BTBD8: variants seen among roughly 807,000 people sequenced by gnomAD.
BTBD8 encodes the protein BTB domain containing 8.
A neutral mutation model predicts 162.9 loss-of-function variants in BTBD8; 110 were observed. The ratio of observed to expected loss-of-function variants is 0.68; its 90% CI spans 0.58 to 0.79. BTBD8 has a LOEUF of 0.79. Among genes scored for constraint, BTBD8 ranks in the 30% least tolerant of loss-of-function variants. The pLI, the probability that BTBD8 is intolerant of heterozygous loss-of-function variation, is 0.00. For missense variants in BTBD8, 1,905 were observed against 2,085.4 expected (o/e 0.91, Z 1.68); for synonymous variants, 667 against 716.1 (o/e 0.93, Z 1.10).
At chr1:92,139,453 T>G (rs1649715364) in intron 6 of BTBD8, 23 bp downstream of exon 6, 1 of 1,592,584 alleles carries the variant, frequency 6.3e-7, no homozygotes, top group East Asian at 2.3e-5. Context: ...TTTTAATAAT[T>G]TAAAATATAA....
chr1:92,132,244 A>C (rs768845040), intron 5 of BTBD8, among the ~76,000 whole-genome samples: 1 of 152,038 alleles, frequency 6.6e-6, no homozygotes, highest in Non-Finnish European at 1.5e-5. Context: ...TGCCTCTTCA[A>C]CTTCTATCTG....
intron 15 of BTBD8, among the ~76,000 whole-genome samples, 195 bp downstream of exon 15, chr1:92,178,093 A>C (rs556543155): frequency 1.1e-3 from 161 of 152,298 alleles, no homozygotes; most frequent in African/African-American, 3.8e-3. Context: ...ATTTAAAAGA[A>C]TATATTAATG....
rs905427229 is a variant in BTBD8, at chr1:92,182,414, A to C, written c.4731A>C (p.Val1577=). 1 of 1,550,588 alleles carries C rather than the reference A, an allele frequency of 6.4e-7. No individual in the cohort carries two copies. The highest frequency in any genetic ancestry group is 2.4e-5 in the East Asian group (1 of 40,906). ...QQRSKFLDSD[V]KSQERPCHLD... ...GCAGCAAATTCTTGGATAGTGATGT[A>C]AAATCTCAAGAAAGACCATGTCACT... is the stretch of plus-strand genomic sequence containing the variant. Residue 1577 remains valine (V), a synonymous_variant, in exon 17 of 18, where the codon GTA becomes GTC. Coordinates refer to ENST00000636805, the MANE Select transcript of BTBD8 (RefSeq NM_001376131.1).
At chr1:92,122,485 T>A (rs1481012041) in intron 4 of BTBD8, among the ~76,000 whole-genome samples, 10 of 152,052 alleles carry the variant, frequency 6.6e-5, no homozygotes, top group Admixed American at 1.3e-4. Flanking sequence ...TCTTGATCTC[T>A]TGACCTCGTG....
intron 1 of BTBD8, 124 bp from the exon 2 acceptor site, chr1:92,088,574 G>A (rs977390827): frequency 2.2e-5 from 16 of 719,280 alleles, no homozygotes; most frequent in Non-Finnish European, 3.1e-5. Flanking sequence ...ACTCATTTTT[G>A]TATTAACTTT....
chr1:92,131,286 G>A (rs1415085133), intron 5 of BTBD8, among the ~76,000 whole-genome samples: 4 of 152,158 alleles, frequency 2.6e-5, no homozygotes, highest in Non-Finnish European at 4.4e-5. Context: ...GCTTAGAAAC[G>A]TCCAAAACAC....
rs760174079 is a variant in BTBD8 at position 92,080,546 on chromosome 1, T to G, written c.-26T>G. ...GGCAAGTGAGGCCAAGTACTGGGCC[T>G]CCAGGGCGTCGTACCTCTGTGAGAC... is the stretch of plus-strand genomic sequence containing the variant. On this transcript the variant is annotated 5_prime_UTR_variant, in exon 1 of 18. Coordinates refer to ENST00000636805, the MANE Select transcript of BTBD8 (RefSeq NM_001376131.1). 26 of 1,611,892 alleles carry G rather than the reference T, an allele frequency of 1.6e-5. No homozygotes were observed. Among genetic ancestry groups the G allele is most frequent in the Non-Finnish European group, 2.1e-5 (25 of 1,179,348 alleles).
At chr1:92,147,118 C>T in intron 7 of BTBD8, 62 bp from the exon 8 acceptor site, 4 of 1,294,460 alleles carry the variant, frequency 3.1e-6, no homozygotes, top group Non-Finnish European at 4.3e-6. Context: ...CTTTATGAAC[C>T]AAATATTTTT....
At chr1:92,151,492 A>G (rs1012370468) in intron 9 of BTBD8, among the ~76,000 whole-genome samples, 7 of 152,162 alleles carry the variant, frequency 4.6e-5, no homozygotes, top group African/African-American at 1.7e-4. Context: ...GTTCTGTTCA[A>G]TAGAAGAGTC....
chr1:92,131,010 C>T (rs1649502907), intron 5 of BTBD8, among the ~76,000 whole-genome samples: 1 of 152,100 alleles, frequency 6.6e-6, no homozygotes, highest in Non-Finnish European at 1.5e-5. Flanking sequence ...GGCCTACGTT[C>T]AAGTTTTTAA....
chr1:92,129,891 A>G (rs186409663), intron 5 of BTBD8, 115 bp downstream of exon 5: 2 of 884,118 alleles, frequency 2.3e-6, no homozygotes, highest in East Asian at 2.6e-5. Context: ...TTTCTCATGT[A>G]GAATTCAACA....
intron 15 of BTBD8, 52 bp from the exon 16 acceptor site, chr1:92,178,260 G>A: frequency 1.4e-6 from 2 of 1,409,126 alleles, no homozygotes; most frequent in Non-Finnish European, 1.9e-6. Context: ...CTTTTAAAAA[G>A]TTCATGTTTT....
intron 9 of BTBD8, among the ~76,000 whole-genome samples, chr1:92,164,673 G>A (rs909306144): frequency 1.4e-5 from 2 of 145,994 alleles, no homozygotes; most frequent in Non-Finnish European, 3.0e-5. Context: ...GCAAGACCCT[G>A]TTTCACATGG....
chr1:92,139,271 A>G (rs1649709718), intron 5 of BTBD8, 79 bp from the exon 6 acceptor site: 3 of 1,454,540 alleles, frequency 2.1e-6, no homozygotes, highest in South Asian at 1.4e-5. Context: ...TCTTGGCTCG[A>G]AGTTTATGGG....
intron 7 of BTBD8, among the ~76,000 whole-genome samples, chr1:92,143,719 TC>T (rs1557455116): frequency 1.3e-5 from 2 of 150,984 alleles, no homozygotes; most frequent in East Asian, 3.9e-4. Context: ...ACCATGTTGG[TC>T]AGGCTGGTCT....
At chr1:92,087,914 G>C (rs945917530) in intron 1 of BTBD8, among the ~76,000 whole-genome samples, 2 of 152,164 alleles carry the variant, frequency 1.3e-5, no homozygotes, top group Admixed American at 1.3e-4. Context: ...TTAATATTTA[G>C]AGAGTAAAAT....
chr1:92,133,969 C>CA (rs11401420), intron 5 of BTBD8, among the ~76,000 whole-genome samples: 90,415 of 140,792 alleles, frequency 0.64, 28,445 homozygotes, highest in East Asian at 0.96. Flanking sequence ...GACTCTGTCT[C>CA]AAAAAAAAAA....
chr1:92,094,471 C>T (rs1482661564), intron 2 of BTBD8, among the ~76,000 whole-genome samples: 1 of 152,228 alleles, frequency 6.6e-6, no homozygotes, highest in Non-Finnish European at 1.5e-5. Context: ...TTGTGAAATT[C>T]AGTCCTTGTA....
chr1:92,111,321 A>G (rs1648889607), intron 4 of BTBD8, among the ~76,000 whole-genome samples: 1 of 152,060 alleles, frequency 6.6e-6, no homozygotes, highest in Non-Finnish European at 1.5e-5. Context: ...GCTTTGTGAC[A>G]CTCAAAATCT....
Sources: allele counts gnomAD v4.1 joint callset (sites outside exome capture counted in the v4.1 genomes callset), GRCh38; gene constraint gnomAD v4.1.1; transcripts MANE v1.5; gene names NCBI Gene and HGNC (gene_info 2026-07-23, HGNC 2026-07-21).